Variants in GTPBP10 observed in about 807,000 individuals in gnomAD.
GTPBP10 encodes GTP binding protein 10.
Under a neutral mutation model 44.8 loss-of-function variants are expected in GTPBP10, and 38 were observed. That is an observed-to-expected ratio of 0.85 (90% confidence interval 0.65 to 1.11). The LOEUF (loss-of-function observed/expected upper bound fraction) is 1.11, where lower values mean the gene tolerates loss of function less well. Among genes scored for constraint, GTPBP10 ranks in the 50% most tolerant of loss-of-function variants. The pLI, the probability that GTPBP10 is intolerant of heterozygous loss-of-function variation, is 0.00. For synonymous variants in GTPBP10, 152 were observed against 150.6 expected (o/e 1.01, Z -0.07); for missense variants, 462 against 453.7 (o/e 1.02, Z -0.17).
chr7:90,363,995 T>C (rs1015132648), intron 4 of GTPBP10, among the ~76,000 whole-genome samples: 3 of 152,254 alleles, frequency 2.0e-5, no homozygotes, highest in Non-Finnish European at 4.4e-5. Flanking sequence ...TCAGGTCATT[T>C]AAGAACTTCT....
In GTPBP10 at chr7:90,387,661, A is replaced by G. The variant is rs1192019380; in HGVS notation, c.*2507A>G. The G allele has an allele frequency of 6.6e-6, 1 of 152,166 alleles. No individual in the cohort carries two copies. The highest frequency in any genetic ancestry group is 1.5e-5 in the Non-Finnish European group (1 of 68,032). 9.4% of individuals were successfully genotyped at this position (152,166 alleles called of 1,614,324 possible). On this transcript the variant is annotated 3_prime_UTR_variant, in exon 10 of 10. Transcript: ENST00000222511. The stretch of plus-strand genomic sequence containing the variant: ...ATGTATTTATTGAGCAATGTCCTGT[A>G]TCAGGCACTGTCCAAGGTGCTGTAT...
intron 5 of GTPBP10, among the ~76,000 whole-genome samples, chr7:90,372,776 G>C (rs1418166387): frequency 1.3e-5 from 2 of 152,030 alleles, no homozygotes; most frequent in African/African-American, 4.8e-5. Flanking sequence ...ACTGTGATAA[G>C]TACCAGGAAG....
chr7:90,377,999 T>G lies in GTPBP10; in HGVS notation c.700-135T>G, dbSNP rs967205892. On this transcript the variant is annotated intron_variant, in intron 7 of 9. Transcript: ENST00000222511. ...TTAACACCTCGATTTCTGTTACTTA[T>G]TTTGAATTACTAAGTAACAAGTAGA... 3 of 1,144,108 alleles carry G rather than the reference T, an allele frequency of 2.6e-6. No individual in the cohort carries two copies. The Admixed American group carries it at 9.7e-5, about 37-fold the overall frequency. The allele number at this position is 1,144,108 out of a possible 1,614,324, so 70.9% of individuals were successfully genotyped here. A position where few individuals can be genotyped will look rare whatever the true frequency, so the allele number is the denominator to read the frequency against.
chr7:90,346,818 C>T (rs769366622), intron 1 of GTPBP10, 44 bp downstream of exon 1: 12 of 1,593,330 alleles, frequency 7.5e-6, no homozygotes, highest in Middle Eastern at 1.7e-4. Context: ...GCGCTGACAG[C>T]TCTGGTTCTT....
intron 1 of GTPBP10, among the ~76,000 whole-genome samples, chr7:90,349,168 G>T (rs17865279): frequency 0.017 from 2,609 of 152,238 alleles, 70 homozygotes; most frequent in African/African-American, 0.058. Context: ...CTTACTGTTT[G>T]GGGCTTATGG....
In GTPBP10 at chr7:90,390,911, A is replaced by G. The variant is rs1320746915; in HGVS notation, c.*5757A>G. The G allele has an allele frequency of 6.6e-6, 1 of 152,200 alleles. No homozygotes were observed. The highest frequency in any genetic ancestry group is 2.4e-5 in the African/African-American group (1 of 41,460). The allele number at this position is 152,200 out of a possible 1,614,324, so 9.4% of individuals were successfully genotyped here. A position where few individuals can be genotyped will look rare whatever the true frequency, so the allele number is the denominator to read the frequency against. ...ATGCCTTCGGTTTTGTGTGCTACAA[A>G]TTGAGGGAGATTGAGAATATTTTAA... On this transcript the variant is annotated 3_prime_UTR_variant, in exon 10 of 10. Transcript: ENST00000222511.
intron 4 of GTPBP10, chr7:90,371,386 T>C (rs1011709542): frequency 6.5e-6 from 1 of 154,734 alleles, no homozygotes; most frequent in African/African-American, 2.4e-5. Context: ...AAAGTAGTTT[T>C]CCCCTACTTC....
chr7:90,369,811 C>T (rs1796222029), intron 4 of GTPBP10, among the ~76,000 whole-genome samples: 1 of 152,204 alleles, frequency 6.6e-6, no homozygotes, highest in African/African-American at 2.4e-5. Context: ...TTGGTTTGCC[C>T]TCCATGCACT....
intron 8 of GTPBP10, among the ~76,000 whole-genome samples, chr7:90,380,402 C>A (rs1796416736): frequency 6.6e-6 from 1 of 152,110 alleles, no homozygotes. Flanking sequence ...TTCTAAGATA[C>A]ATAATTTGAA....
chr7:90,360,898 A>T (rs174065), intron 4 of GTPBP10, among the ~76,000 whole-genome samples: 115,467 of 152,102 alleles, frequency 0.76, 44,111 homozygotes, highest in East Asian at 0.89. Flanking sequence ...CTTTGAAGCA[A>T]TTGTGAATGG....
At chr7:90,366,317 T>C (rs928761265) in intron 4 of GTPBP10, among the ~76,000 whole-genome samples, 3 of 152,174 alleles carry the variant, frequency 2.0e-5, no homozygotes, top group African/African-American at 7.2e-5. Context: ...GGATTCCCTC[T>C]TTTTCTATTG....
intron 4 of GTPBP10, among the ~76,000 whole-genome samples, chr7:90,367,405 G>A (rs571546517): frequency 4.6e-5 from 7 of 152,252 alleles, no homozygotes; most frequent in Non-Finnish European, 7.4e-5. Context: ...TTATTATTGT[G>A]TGGGAGTCTA....
At chr7:90,361,022 T>TAAG (rs1796009006) in intron 4 of GTPBP10, among the ~76,000 whole-genome samples, 4 of 151,502 alleles carry the variant, frequency 2.6e-5, no homozygotes, top group Admixed American at 2.0e-4. Flanking sequence ...CTTATCAGCT[T>TAAG]GAGATTCTGG....
In GTPBP10 at chr7:90,388,739, T is replaced by C. The variant is rs1796567841; in HGVS notation, c.*3585T>C. On this transcript the variant is annotated 3_prime_UTR_variant, in exon 10 of 10. Coordinates refer to ENST00000222511, the MANE Select transcript of GTPBP10 (RefSeq NM_033107.4). ...GTTTTCTTTTATCTCAGTGCTTATT[T>C]GCTTTGCAAGGATGAAGGTTAGAGA... 6.6e-6 allele frequency: 1 copy of C among 152,178 alleles called. No homozygotes were observed. The highest frequency in any genetic ancestry group is 1.5e-5 in the Non-Finnish European group (1 of 68,010). 9.4% of individuals were successfully genotyped at this position (152,178 alleles called of 1,614,324 possible). A position where few individuals can be genotyped will look rare whatever the true frequency, so the allele number is the denominator to read the frequency against.
chr7:90,351,017 A>G (rs994645891), intron 1 of GTPBP10, among the ~76,000 whole-genome samples: 1 of 152,148 alleles, frequency 6.6e-6, no homozygotes, highest in Non-Finnish European at 1.5e-5. Flanking sequence ...CTGACTTATA[A>G]AATGTACTGG....
rs945961963 is a variant in GTPBP10, at chr7:90,387,958, G to A, written c.*2804G>A. On this transcript the variant is annotated 3_prime_UTR_variant, in exon 10 of 10. Coordinates refer to ENST00000222511, the MANE Select transcript of GTPBP10 (RefSeq NM_033107.4). ...CAGTTTCATCAGGTGAATATCAGAA[G>A]TACTGACACCATAATCTCATTTTGC... The A allele has an allele frequency of 1.3e-5, 2 of 152,108 alleles. No individual in the cohort carries two copies. The highest frequency in any genetic ancestry group is 4.8e-5 in the African/African-American group (2 of 41,398). 9.4% of individuals were successfully genotyped at this position (152,108 alleles called of 1,614,324 possible).
intron 5 of GTPBP10, 62 bp downstream of exon 5, chr7:90,372,290 C>T: frequency 9.1e-7 from 1 of 1,098,542 alleles, no homozygotes. Context: ...ACTAATATTT[C>T]TCTGAGAATG....
chr7:90,366,534 A>G (rs991509022), intron 4 of GTPBP10, among the ~76,000 whole-genome samples: 1 of 151,962 alleles, frequency 6.6e-6, no homozygotes, highest in Admixed American at 6.6e-5. Flanking sequence ...GAATTTATCC[A>G]TTTCTTCTAG....
intron 5 of GTPBP10, among the ~76,000 whole-genome samples, 173 bp from the exon 6 acceptor site, chr7:90,374,129 C>T (rs1329735538): frequency 6.6e-6 from 1 of 152,226 alleles, no homozygotes; most frequent in African/African-American, 2.4e-5. Context: ...TGAGCCACAA[C>T]ATTTGGCCCT....
Sources: gnomAD v4.1 joint callset for allele counts (sites outside exome capture counted in the v4.1 genomes callset) on GRCh38, gnomAD v4.1.1 for gene constraint, MANE v1.5 for transcripts, NCBI Gene and HGNC (gene_info 2026-07-23, HGNC 2026-07-21) for gene names.